Variants in NELL1 observed in about 807,000 individuals in gnomAD.
NELL1 encodes the protein protein kinase C-binding protein NELL1.
Under a neutral mutation model 107.4 loss-of-function variants are expected in NELL1, and 76 were observed. That is an observed-to-expected ratio of 0.71 (90% CI 0.59 to 0.86). The LOEUF (loss-of-function observed/expected upper bound fraction) is 0.86, where lower values mean the gene tolerates loss of function less well. Ranked by LOEUF, NELL1 falls within the 40% of genes least tolerant of loss-of-function variation. The probability of loss-of-function intolerance (pLI) is 0.00; values close to 1 mark genes in which losing one functional copy is unlikely to be tolerated. For missense variants in NELL1, 1,024 were observed against 1,005.5 expected (o/e 1.02, Z -0.25); for synonymous variants, 353 against 341.2 (o/e 1.03, Z -0.38).
intron 4 of NELL1, among the ~76,000 whole-genome samples, chr11:20,881,819 GAA>G (rs960867343): frequency 9.2e-5 from 14 of 152,120 alleles, no homozygotes; most frequent in Admixed American, 8.5e-4. Flanking sequence ...CTAAAGACAA[GAA>G]ATTGGCCATT....
At chr11:20,744,017 C>T (rs1855948136) in intron 2 of NELL1, among the ~76,000 whole-genome samples, 1 of 152,150 alleles carries the variant, frequency 6.6e-6, no homozygotes, top group Non-Finnish European at 1.5e-5. Flanking sequence ...TGTTTATGTT[C>T]CTCATCTAGT....
chr11:21,012,956 C>G (rs12272392), intron 12 of NELL1, among the ~76,000 whole-genome samples: 1 of 150,986 alleles, frequency 6.6e-6, no homozygotes, highest in African/African-American at 2.4e-5. Context: ...AATCCTGAGC[C>G]GTAATTTCTA....
intron 11 of NELL1, among the ~76,000 whole-genome samples, chr11:20,959,766 A>G (rs1415910813): frequency 6.6e-6 from 1 of 152,244 alleles, no homozygotes; most frequent in Non-Finnish European, 1.5e-5. Context: ...TCACCGCTAA[A>G]GAACTTATGT....
chr11:21,372,479 G>A (rs907277885), intron 15 of NELL1, among the ~76,000 whole-genome samples: 2 of 151,918 alleles, frequency 1.3e-5, no homozygotes, highest in East Asian at 3.9e-4. Context: ...AAACAAAGGA[G>A]TTAGATATTA....
At chr11:21,309,359 T>C (rs1476813829) in intron 14 of NELL1, among the ~76,000 whole-genome samples, 2 of 147,926 alleles carry the variant, frequency 1.4e-5, no homozygotes, top group East Asian at 4.0e-4. Context: ...CTATCATTTC[T>C]TAGAATGATT....
intron 11 of NELL1, among the ~76,000 whole-genome samples, chr11:20,953,868 A>G (rs1197805295): frequency 1.3e-5 from 2 of 152,158 alleles, no homozygotes; most frequent in Non-Finnish European, 2.9e-5. Flanking sequence ...TTGTAACCCA[A>G]TGCTCAAAGA....
At chr11:20,900,924 C>T (rs1163848203) in intron 5 of NELL1, among the ~76,000 whole-genome samples, 1 of 152,030 alleles carries the variant, frequency 6.6e-6, no homozygotes, top group Non-Finnish European at 1.5e-5. Flanking sequence ...AAATTCAATA[C>T]TGACTCATTA....
Position 20,918,272 on chromosome 11 carries a change from G to A in NELL1, c.676+18G>A, listed in dbSNP as rs1019139697. 16 of 1,390,990 alleles carry A rather than the reference G, an allele frequency of 1.2e-5. No homozygotes were observed. The highest frequency in any genetic ancestry group is 1.5e-5 in the Non-Finnish European group (15 of 978,498). The allele number at this position is 1,390,990 out of a possible 1,614,324, so 86.2% of individuals were successfully genotyped here. A position where few individuals can be genotyped will look rare whatever the true frequency, so the allele number is the denominator to read the frequency against. On this transcript the variant is annotated intron_variant, in intron 6 of 19. Coordinates refer to ENST00000357134, the MANE Select transcript of NELL1 (RefSeq NM_006157.5). ...AAATCACAGTAAGTAGCAACTTAAAGCATTGTGATATATTATATAACTTGT... is the reference window on the plus strand; with the variant it reads ...AAATCACAGTAAGTAGCAACTTAAAACATTGTGATATATTATATAACTTGT...
intron 12 of NELL1, among the ~76,000 whole-genome samples, chr11:20,975,053 A>C (rs1036133231): frequency 2.6e-5 from 4 of 152,040 alleles, no homozygotes; most frequent in African/African-American, 4.8e-5. Context: ...TCTGTCACTC[A>C]TGCTGGAGTG....
At chr11:20,817,569 TA>T in intron 3 of NELL1, among the ~76,000 whole-genome samples, 1 of 152,194 alleles carries the variant, frequency 6.6e-6, no homozygotes, top group East Asian at 1.9e-4. Context: ...CAATCTTCTT[TA>T]TCCTTTCAAA....
chr11:20,963,501 A>G (rs1040644570), intron 12 of NELL1, among the ~76,000 whole-genome samples: 1 of 151,572 alleles, frequency 6.6e-6, no homozygotes, highest in Non-Finnish European at 1.5e-5. Flanking sequence ...TTTTAACCCT[A>G]TTCAATAAAA....
At chr11:21,547,734 A>G (rs1052212618) in intron 16 of NELL1, among the ~76,000 whole-genome samples, 2 of 151,926 alleles carry the variant, frequency 1.3e-5, no homozygotes, top group Admixed American at 1.3e-4. Context: ...GCTATTGAAC[A>G]TAATCATTAT....
At chr11:20,843,706 C>T (rs1848658199) in intron 3 of NELL1, among the ~76,000 whole-genome samples, 1 of 126,522 alleles carries the variant, frequency 7.9e-6, no homozygotes, top group East Asian at 2.1e-4. Flanking sequence ...AAATAGGATA[C>T]TTTGGTATCA....
chr11:20,923,671 C>T (rs1332567434), intron 7 of NELL1, among the ~76,000 whole-genome samples: 1 of 152,198 alleles, frequency 6.6e-6, no homozygotes, highest in Non-Finnish European at 1.5e-5. Context: ...AGAAGAGATA[C>T]TGAAGACTGG....
At chr11:21,335,722 C>A (rs1443528008) in intron 14 of NELL1, among the ~76,000 whole-genome samples, 2 of 152,020 alleles carry the variant, frequency 1.3e-5, no homozygotes, top group African/African-American at 2.4e-5. Flanking sequence ...CATTTGTACA[C>A]AACATTCAGT....
At chr11:20,939,290 T>C (rs1850796978) in intron 10 of NELL1, among the ~76,000 whole-genome samples, 1 of 151,800 alleles carries the variant, frequency 6.6e-6, no homozygotes, top group Non-Finnish European at 1.5e-5. Context: ...CTCCCCTGGC[T>C]AACGTAGGTA....
At chr11:20,883,815 T>A (rs1205852157) in intron 4 of NELL1, among the ~76,000 whole-genome samples, 3 of 152,212 alleles carry the variant, frequency 2.0e-5, no homozygotes, top group Non-Finnish European at 4.4e-5. Flanking sequence ...CTTATGCATA[T>A]CTCTTAAGTT....
intron 2 of NELL1, among the ~76,000 whole-genome samples, chr11:20,702,736 A>C (rs1261967338): frequency 6.6e-6 from 1 of 152,116 alleles, no homozygotes; most frequent in African/African-American, 2.4e-5. Flanking sequence ...TTGAATTTTG[A>C]CAAAGGCCTT....
At position 20,774,316 on chromosome 11, in the gene NELL1, T is replaced by G. The variant is rs559331179; in HGVS notation, c.185-9364T>G. On this transcript the variant is annotated intron_variant, in intron 2 of 19. Transcript: ENST00000357134. ...TCCTTTTTTCCTCCCTCCCTTCCTC[T>G]CCTTTCTTTTTTTCTTTCCTTCTCT... Among the ~76,000 whole-genome samples the G allele has an allele frequency of 2.0e-3, 287 of 145,756 alleles. 1 individual carries two copies. The highest frequency in any genetic ancestry group is 7.2e-3 in the African/African-American group (280 of 38,742).
Sources: gnomAD v4.1 joint callset for allele counts (sites outside exome capture counted in the v4.1 genomes callset) on GRCh38, gnomAD v4.1.1 for gene constraint, MANE v1.5 for transcripts, NCBI Gene and HGNC (gene_info 2026-07-23, HGNC 2026-07-21) for gene names.